TRPM8: variants seen among roughly 807,000 people sequenced by gnomAD.
The protein encoded by TRPM8 is transient receptor potential cation channel subfamily M member 8, also known as TRPM8 cationic channel.
In TRPM8, 110 loss-of-function variants were observed where a neutral mutation model predicts 133.7. The ratio of observed to expected loss-of-function variants is 0.82; its 90% CI spans 0.70 to 0.96. The LOEUF (loss-of-function observed/expected upper bound fraction) is 0.96. Among genes scored for constraint, TRPM8 ranks in the 40% least tolerant of loss-of-function variants. TRPM8 has a pLI of 0.00. For missense variants in TRPM8, 1,291 were observed against 1,379.5 expected (o/e 0.94, Z 1.02); for synonymous variants, 535 against 532.3 (o/e 1.01, Z -0.07).
At chr2:233,972,679 G>A (rs1691759504) in intron 17 of TRPM8, among the ~76,000 whole-genome samples, 3 of 152,168 alleles carry the variant, frequency 2.0e-5, no homozygotes, top group South Asian at 4.1e-4. Flanking sequence ...ACTGCTGGGG[G>A]ACCCAGTACA....
chr2:234,017,852 G>T lies in TRPM8; in HGVS notation c.*596G>T, dbSNP rs906365585. The T allele has an allele frequency of 2.6e-5, 4 of 153,172 alleles. No homozygotes were observed. Among genetic ancestry groups the T allele is most frequent in the African/African-American group, 9.6e-5 (4 of 41,454 alleles). 9.5% of individuals were successfully genotyped at this position (153,172 alleles called of 1,614,324 possible). A position where few individuals can be genotyped will look rare whatever the true frequency, so the allele number is the denominator to read the frequency against. On this transcript the variant is annotated 3_prime_UTR_variant, in exon 26 of 26. Coordinates refer to ENST00000324695, the MANE Select transcript of TRPM8 (RefSeq NM_024080.5). ...CTTACCTGTCAGAGGAGGTGACAAG[G>T]CAGTCTCTTGCTCTCTTGGACTCAC... is the stretch of plus-strand genomic sequence containing the variant.
intron 7 of TRPM8, among the ~76,000 whole-genome samples, chr2:233,946,600 G>T (rs1237345672): frequency 1.3e-5 from 2 of 152,180 alleles, no homozygotes; most frequent in Non-Finnish European, 2.9e-5. Context: ...AGATTACCTT[G>T]TGATTTAATG....
At chr2:233,968,349 G>A (rs1234514266) in intron 15 of TRPM8, 3 of 152,472 alleles carry the variant, frequency 2.0e-5, no homozygotes, top group Non-Finnish European at 4.4e-5. Flanking sequence ...CAGACAAGAT[G>A]TGCTGATGAG....
At chr2:233,975,639 G>T (rs541461246) in intron 17 of TRPM8, among the ~76,000 whole-genome samples, 1 of 152,354 alleles carries the variant, frequency 6.6e-6, no homozygotes, top group South Asian at 2.1e-4. Context: ...CCAGCACTGT[G>T]GGAGGCCAAG....
chr2:233,948,994 A>T (rs545756645), intron 8 of TRPM8, among the ~76,000 whole-genome samples: 35 of 152,328 alleles, frequency 2.3e-4, no homozygotes, highest in African/African-American at 7.7e-4. Flanking sequence ...AGATTGCGCC[A>T]TTGCACTCCA....
At chr2:233,981,682 G>C (rs1242979755) in intron 18 of TRPM8, 92 bp from the exon 19 acceptor site, 62 of 1,344,792 alleles carry the variant, frequency 4.6e-5, no homozygotes, top group Non-Finnish European at 1.0e-6. Context: ...TCCAGCTCTT[G>C]CCTGTTTCTT....
chr2:233,993,519 C>T (rs1559545319), intron 21 of TRPM8, among the ~76,000 whole-genome samples: 1 of 152,224 alleles, frequency 6.6e-6, no homozygotes, highest in Non-Finnish European at 1.5e-5. Context: ...CTGTACCCAC[C>T]TGCACCTCCC....
chr2:233,990,895 T>C (rs2125324875), intron 21 of TRPM8, among the ~76,000 whole-genome samples: 1 of 152,250 alleles, frequency 6.6e-6, no homozygotes, highest in African/African-American at 2.4e-5. Context: ...AGGGAAGAGA[T>C]GACATGGAAA....
chr2:233,952,763 T>C (rs1337483649), intron 9 of TRPM8, among the ~76,000 whole-genome samples: 4 of 151,950 alleles, frequency 2.6e-5, no homozygotes, highest in Admixed American at 2.0e-4. Flanking sequence ...GAGTCCCAGC[T>C]AGGAGGGACT....
At chr2:233,936,377 C>T (rs1301803975) in intron 3 of TRPM8, among the ~76,000 whole-genome samples, 1 of 152,232 alleles carries the variant, frequency 6.6e-6, no homozygotes, top group African/African-American at 2.4e-5. Context: ...CTTCCAATTT[C>T]CTGTTATGCC....
chr2:234,018,341 G>GGA lies in TRPM8; in HGVS notation c.*1086_*1087insAG, dbSNP rs1332040133. 1 of 151,890 alleles carries GGA rather than the reference G, an allele frequency of 6.6e-6. No individual in the cohort carries two copies. The highest frequency in any genetic ancestry group is 1.5e-5 in the Non-Finnish European group (1 of 67,980). The allele number at this position is 151,890 out of a possible 1,614,324, so 9.4% of individuals were successfully genotyped here. A position where few individuals can be genotyped will look rare whatever the true frequency, so the allele number is the denominator to read the frequency against. On this transcript the variant is annotated 3_prime_UTR_variant, in exon 26 of 26. Transcript: ENST00000324695. ...TGAAGGCTATCTCCAGTTGATCATTGGGATGAGCATCTTTGTGCATGAATC... is the reference window on the plus strand; with the variant it reads ...TGAAGGCTATCTCCAGTTGATCATTGGAGGATGAGCATCTTTGTGCATGAATC...
chr2:233,958,283 A>C (rs1691340419), intron 11 of TRPM8, among the ~76,000 whole-genome samples: 2 of 152,204 alleles, frequency 1.3e-5, no homozygotes, highest in Non-Finnish European at 2.9e-5. Context: ...AGAAGAGCAA[A>C]CCGAGGCTCA....
At chr2:233,949,110 CGACACACCCACGACCACCTGTGGTGCA>C (rs1691113887) in intron 8 of TRPM8, among the ~76,000 whole-genome samples, 1 of 152,142 alleles carries the variant, frequency 6.6e-6, no homozygotes, top group Non-Finnish European at 1.5e-5. Context: ...AACTCCCCAT[CGACACACCCACGACCACCTGTGGTGCA>C]GACACTTGAG....
intron 22 of TRPM8, among the ~76,000 whole-genome samples, chr2:233,997,279 A>T (rs1692431623): frequency 6.6e-6 from 1 of 152,218 alleles, no homozygotes; most frequent in Admixed American, 6.5e-5. Flanking sequence ...GTCTCAAAAA[A>T]AAAGAAAGAA....
chr2:233,963,207 G>C, intron 12 of TRPM8, 75 bp from the exon 13 acceptor site: 2 of 906,490 alleles, frequency 2.2e-6, no homozygotes, highest in Non-Finnish European at 3.5e-6. Context: ...CCAAACATGG[G>C]CTACTCTCCT....
chr2:233,946,355 T>C (rs1266812737), intron 7 of TRPM8: 1 of 217,538 alleles, frequency 4.6e-6, no homozygotes, highest in Non-Finnish European at 9.2e-6. Flanking sequence ...ATGACAAATA[T>C]GAGTTTATGA....
At chr2:233,925,088 A>G (rs1395178523) in intron 1 of TRPM8, among the ~76,000 whole-genome samples, 1 of 152,202 alleles carries the variant, frequency 6.6e-6, no homozygotes, top group Non-Finnish European at 1.5e-5. Flanking sequence ...GTCTGAGAGC[A>G]GAGTGTGGCT....
intron 22 of TRPM8, among the ~76,000 whole-genome samples, chr2:234,003,067 A>G (rs887780766): frequency 2.6e-5 from 4 of 152,224 alleles, no homozygotes; most frequent in African/African-American, 9.6e-5. Flanking sequence ...GCCAAGAAGC[A>G]TCGTTTTTTG....
intron 11 of TRPM8, among the ~76,000 whole-genome samples, chr2:233,959,325 C>CTTT (rs778556639): frequency 0.011 from 1,147 of 106,262 alleles, 70 homozygotes; most frequent in African/African-American, 0.042. Flanking sequence ...CTCGCCCAGC[C>CTTT]TTTTTTTTTT....
Sources: gnomAD v4.1 joint callset for allele counts (sites outside exome capture counted in the v4.1 genomes callset) on GRCh38, gnomAD v4.1.1 for gene constraint, MANE v1.5 for transcripts, NCBI Gene and HGNC (gene_info 2026-07-23, HGNC 2026-07-21) for gene names.